Variants in TMEM182 observed in about 807,000 individuals in gnomAD.
TMEM182 encodes transmembrane protein 182.
In TMEM182, 20 loss-of-function variants were observed where a neutral mutation model predicts 26.8. The ratio of observed to expected loss-of-function variants is 0.75; its 90% CI spans 0.53 to 1.09. The LOEUF is 1.09. Among genes scored for constraint, TMEM182 ranks in the 50% least tolerant of loss-of-function variants. TMEM182 has a pLI of 0.00. For missense variants in TMEM182, 277 were observed against 275.5 expected (o/e 1.01, Z -0.04); for synonymous variants, 109 against 102.2 (o/e 1.07, Z -0.40).
chr2:102,739,072 T>C (rs540804014), intron 1 of TMEM182, among the ~76,000 whole-genome samples: 12 of 152,324 alleles, frequency 7.9e-5, no homozygotes, highest in African/African-American at 2.9e-4. Context: ...TTGCTCTCTT[T>C]TGTAGGCCAG....
intron 1 of TMEM182, among the ~76,000 whole-genome samples, chr2:102,737,248 C>T (rs2104620448): frequency 6.6e-6 from 1 of 152,212 alleles, no homozygotes; most frequent in African/African-American, 2.4e-5. Context: ...TTTCGTTTGC[C>T]TATTTAAAAA....
intron 3 of TMEM182, among the ~76,000 whole-genome samples, chr2:102,789,217 C>T (rs1681531520): frequency 6.6e-6 from 1 of 152,158 alleles, no homozygotes; most frequent in Non-Finnish European, 1.5e-5. Context: ...TATGAACTAG[C>T]TTTGTGGGTG....
At chr2:102,737,630 A>T (rs1309185507) in intron 1 of TMEM182, among the ~76,000 whole-genome samples, 1 of 152,210 alleles carries the variant, frequency 6.6e-6, no homozygotes, top group Non-Finnish European at 1.5e-5. Context: ...TCAAACTGAG[A>T]GGTCAGCAGG....
chr2:102,840,619 A>G (rs1403266419), intron 3 of TMEM182, among the ~76,000 whole-genome samples: 1 of 152,112 alleles, frequency 6.6e-6, no homozygotes, highest in Non-Finnish European at 1.5e-5. Context: ...AAAAATGAGG[A>G]AGGCCGATTA....
In TMEM182 at chr2:102,815,181, G is replaced by A. The variant is rs906197644; in HGVS notation, c.*213G>A. On this transcript the variant is annotated 3_prime_UTR_variant, in exon 5 of 5. Transcript: ENST00000412401. ...TCTATCTTGTCTAAGTGCTGTCAAG[G>A]ACCTAGTTCTTTAGGGAATAGGTAA... 1.5e-6 allele frequency: 2 copies of A among 1,375,694 alleles called. No homozygotes were observed. Among genetic ancestry groups the A allele is most frequent in the South Asian group, 1.6e-5 (1 of 61,710 alleles). The allele number at this position is 1,375,694 out of a possible 1,614,324, so 85.2% of individuals were successfully genotyped here. A position where few individuals can be genotyped will look rare whatever the true frequency, so the allele number is the denominator to read the frequency against.
chr2:102,821,202 T>C (rs1280232896), downstream of TMEM182, among the ~76,000 whole-genome samples: 1 of 152,230 alleles, frequency 6.6e-6, no homozygotes, highest in Non-Finnish European at 1.5e-5. Flanking sequence ...GTTTTCATAA[T>C]TGAAATCTTT....
chr2:102,806,358 C>T (rs1335885406), intron 4 of TMEM182, among the ~76,000 whole-genome samples: 1 of 152,140 alleles, frequency 6.6e-6, no homozygotes, highest in Non-Finnish European at 1.5e-5. Flanking sequence ...AGAAATTGTC[C>T]TCAATACGAA....
In TMEM182 at chr2:102,827,372, C is replaced by T. The variant is rs183879957; in HGVS notation, c.326-16040C>T. ...CAGATATGTTAGATTTTCCTTCCTT[C>T]TACATTTGCTTAAGAGCTTATAAAC... On this transcript the variant is annotated intron_variant, in intron 3 of 3. Coordinates refer to the TMEM182 transcript ENST00000486293. Among the ~76,000 whole-genome samples the T allele has an allele frequency of 5.3e-5, 8 of 152,310 alleles. No individual in the cohort carries two copies. In the East Asian group the frequency reaches 1.5e-3, roughly 29 times the overall value.
chr2:102,773,935 A>G (rs994551190), intron 3 of TMEM182, among the ~76,000 whole-genome samples: 3 of 152,330 alleles, frequency 2.0e-5, no homozygotes, highest in Middle Eastern at 3.4e-3. Flanking sequence ...CTGTGTATAT[A>G]TGGGTTGCTA....
At chr2:102,766,286 A>T (rs1680430818) in intron 3 of TMEM182, among the ~76,000 whole-genome samples, 1 of 152,210 alleles carries the variant, frequency 6.6e-6, no homozygotes, top group Admixed American at 6.5e-5. Flanking sequence ...CATGTCAGAA[A>T]AATTATACTG....
chr2:102,837,990 C>A (rs1683277497), intron 3 of TMEM182, among the ~76,000 whole-genome samples: 1 of 152,174 alleles, frequency 6.6e-6, no homozygotes, highest in East Asian at 1.9e-4. Flanking sequence ...AAGCACTAAA[C>A]AAAGTGCAGG....
At chr2:102,771,469 C>A (rs1348145164) in intron 3 of TMEM182, among the ~76,000 whole-genome samples, 1 of 152,118 alleles carries the variant, frequency 6.6e-6, no homozygotes, top group Non-Finnish European at 1.5e-5. Flanking sequence ...TAGGGCACAA[C>A]ATCAAGGCCG....
downstream of TMEM182, among the ~76,000 whole-genome samples, chr2:102,818,196 A>G (rs1367071841): frequency 6.6e-6 from 1 of 152,220 alleles, no homozygotes; most frequent in African/African-American, 2.4e-5. Context: ...TAAACAAGAG[A>G]TGAAACAGAA....
rs780265939 is a variant in TMEM182 at position 102,797,857 on chromosome 2, C to T, written c.332-6C>T. On this transcript the variant is annotated splice_polypyrimidine_tract_variant and splice_region_variant and intron_variant, in intron 3 of 4. Transcript: ENST00000412401. ...TTCTTTTCTCTTTTCCTCCTGGGGT[C>T]TCCAGTTTACCGTGGTTTCTGGGCA... is the stretch of plus-strand genomic sequence containing the variant. 8 of 1,607,066 alleles carry T rather than the reference C, an allele frequency of 5.0e-6. No individual in the cohort carries two copies. The highest frequency in any genetic ancestry group is 6.8e-6 in the Non-Finnish European group (8 of 1,178,260).
chr2:102,839,269 G>A (rs1319923428), intron 3 of TMEM182, among the ~76,000 whole-genome samples: 3 of 151,938 alleles, frequency 2.0e-5, no homozygotes, highest in Non-Finnish European at 4.4e-5. Flanking sequence ...TTCCTCAATG[G>A]ACTGAAATGC....
intron 3 of TMEM182, among the ~76,000 whole-genome samples, chr2:102,823,006 T>G (rs1011622021): frequency 6.6e-6 from 1 of 152,140 alleles, no homozygotes; most frequent in African/African-American, 2.4e-5. Flanking sequence ...CTTTTACAAG[T>G]CAAATCAATA....
chr2:102,819,730 T>C (rs1055053891), downstream of TMEM182, among the ~76,000 whole-genome samples: 1 of 152,238 alleles, frequency 6.6e-6, no homozygotes, highest in African/African-American at 2.4e-5. Context: ...TATGTGCATA[T>C]ACACATATCC....
chr2:102,808,426 C>T (rs985066620), intron 4 of TMEM182, among the ~76,000 whole-genome samples: 14 of 152,114 alleles, frequency 9.2e-5, no homozygotes, highest in African/African-American at 3.4e-4. Context: ...AGCAGGGCTG[C>T]TTGTGGGTGG....
chr2:102,738,468 G>A (rs188884687), intron 1 of TMEM182, among the ~76,000 whole-genome samples: 3,023 of 152,068 alleles, frequency 0.02, 81 homozygotes, highest in African/African-American at 0.069. Flanking sequence ...GGTGGTGCGC[G>A]CCTGTAGTCC....
Sources: allele counts gnomAD v4.1 joint callset (sites outside exome capture counted in the v4.1 genomes callset), GRCh38; gene constraint gnomAD v4.1.1; transcripts MANE v1.5; gene names NCBI Gene and HGNC (gene_info 2026-07-23, HGNC 2026-07-21).